The following USP7 variants were observed in gnomAD, a reference collection of about 807,000 sequenced individuals.
USP7 encodes the protein ubiquitin specific peptidase 7.
In USP7, 9 loss-of-function variants were observed where a neutral mutation model predicts 162.9. The ratio of observed to expected loss-of-function variants is 0.06; its 90% CI spans 0.03 to 0.10. The LOEUF is 0.10. USP7 is among the 10% of genes least tolerant of loss of function. The pLI is 1.00. For missense variants in USP7, 715 were observed against 1,373.7 expected (o/e 0.52, Z 7.58); for synonymous variants, 562 against 475.9 (o/e 1.18, Z -2.35).
chr16:8,924,505 A>T (rs1487245075), intron 2 of USP7, among the ~76,000 whole-genome samples: 3 of 152,238 alleles, frequency 2.0e-5, no homozygotes, highest in Admixed American at 2.0e-4. Context: ...ATCAGGTGCT[A>T]TTTTGACATC....
chr16:8,897,347 G>C, intron 25 of USP7: 1 of 459,922 alleles, frequency 2.2e-6, no homozygotes, highest in African/African-American at 2.0e-5. Flanking sequence ...CAAGAAGCCT[G>C]TCATTTACAG....
rs549640253 is a variant in USP7, at chr16:8,923,555, T to C, written c.185-142A>G. ...GTTTGAAAAAATTGCTTCCAATTTATTAAAACCCGAAGACTGAGATAACAT... is the reference window on the plus strand; with the variant it reads ...GTTTGAAAAAATTGCTTCCAATTTACTAAAACCCGAAGACTGAGATAACAT... On this transcript the variant is annotated intron_variant, in intron 2 of 30. Coordinates refer to ENST00000344836, the MANE Select transcript of USP7 (RefSeq NM_003470.3). 2.0e-4 allele frequency: 168 copies of C among 856,950 alleles called. No individual in the cohort carries two copies. The African/African-American group carries it at 2.5e-3, about 13-fold the overall frequency. 53.1% of individuals were successfully genotyped at this position (856,950 alleles called of 1,614,324 possible). A position where few individuals can be genotyped will look rare whatever the true frequency, so the allele number is the denominator to read the frequency against.
At chr16:8,906,709 A>T (rs1241179463) in intron 12 of USP7, 127 bp from the exon 13 acceptor site, 1 of 895,480 alleles carries the variant, frequency 1.1e-6, no homozygotes, top group Admixed American at 2.8e-5. Context: ...TGCCTTGGGA[A>T]GGCCTATGAA....
chr16:8,893,927 T>A lies in USP7; in HGVS notation c.*71A>T. 1 of 1,365,868 alleles carries A rather than the reference T, an allele frequency of 7.3e-7. No individual in the cohort carries two copies. The highest frequency in any genetic ancestry group is 1.0e-6 in the Non-Finnish European group (1 of 954,846). The allele number at this position is 1,365,868 out of a possible 1,614,324, so 84.6% of individuals were successfully genotyped here. A position where few individuals can be genotyped will look rare whatever the true frequency, so the allele number is the denominator to read the frequency against. On this transcript the variant is annotated 3_prime_UTR_variant, in exon 31 of 31. Coordinates refer to ENST00000344836, the MANE Select transcript of USP7 (RefSeq NM_003470.3). ...CTGAAGACTTCGGCTAGAGGGCACG[T>A]GCACCAAAGTTCTAGGCTGTTAAGG...
At chr16:8,930,660 A>C (rs1351454097) in intron 1 of USP7, among the ~76,000 whole-genome samples, 3 of 152,128 alleles carry the variant, frequency 2.0e-5, no homozygotes, top group African/African-American at 7.2e-5. Flanking sequence ...TTCTGCACAA[A>C]ACTTTTTATA....
At chr16:8,918,398 T>C (rs1216639907) in intron 6 of USP7, among the ~76,000 whole-genome samples, 2 of 152,244 alleles carry the variant, frequency 1.3e-5, no homozygotes, top group African/African-American at 4.8e-5. Context: ...TAAAAGTAAG[T>C]TGCATTGACT....
chr16:8,905,719 A>G (rs1199897996), intron 13 of USP7, among the ~76,000 whole-genome samples: 3 of 152,204 alleles, frequency 2.0e-5, no homozygotes, highest in African/African-American at 7.2e-5. Context: ...TTTATCCTTT[A>G]GTTATCAAAC....
intron 23 of USP7, 98 bp downstream of exon 23, chr16:8,899,023 A>C: frequency 7.7e-7 from 1 of 1,298,410 alleles, no homozygotes; most frequent in Non-Finnish European, 1.1e-6. Flanking sequence ...TGTCAGGTGA[A>C]ATGGCGAGCT....
intron 1 of USP7, chr16:8,962,464 A>T (rs962951667): frequency 4.9e-5 from 22 of 449,424 alleles, no homozygotes; most frequent in African/African-American, 4.4e-4. Context: ...CATCGGCAGA[A>T]AACCGAGTTA....
chr16:8,939,701 C>T (rs894549887), intron 1 of USP7, among the ~76,000 whole-genome samples: 10 of 152,304 alleles, frequency 6.6e-5, no homozygotes, highest in Non-Finnish European at 1.0e-4. Context: ...GTACATTGCT[C>T]GTGCACTTTT....
intron 14 of USP7, among the ~76,000 whole-genome samples, chr16:8,904,878 A>C (rs1407877653): frequency 6.6e-6 from 1 of 152,172 alleles, no homozygotes; most frequent in Non-Finnish European, 1.5e-5. Context: ...AGGCTGAGGC[A>C]GGAGAGTGGC....
intron 13 of USP7, among the ~76,000 whole-genome samples, chr16:8,905,966 G>A (rs977273788): frequency 2.6e-5 from 4 of 152,142 alleles, no homozygotes; most frequent in African/African-American, 9.7e-5. Flanking sequence ...GGTCTTGGGG[G>A]TAGATTCCAA....
chr16:8,904,793 TAAAATA>T (rs1567212824), intron 14 of USP7, among the ~76,000 whole-genome samples: 1 of 139,046 alleles, frequency 7.2e-6, no homozygotes, highest in African/African-American at 2.6e-5. Flanking sequence ...AAAAAAAAAA[TAAAATA>T]AAAATAAAAT....
intron 1 of USP7, among the ~76,000 whole-genome samples, chr16:8,956,778 A>G (rs1567250107): frequency 6.7e-6 from 1 of 149,870 alleles, no homozygotes; most frequent in African/African-American, 2.5e-5. Context: ...AACAAAAACA[A>G]AAAAAAAAAA....
At chr16:8,895,525 G>C (rs1165186377) in intron 27 of USP7, 117 bp downstream of exon 27, 1 of 915,198 alleles carries the variant, frequency 1.1e-6, no homozygotes, top group South Asian at 1.5e-5. Context: ...CATATACCTC[G>C]ATTACTGGTA....
At position 8,897,108 on chromosome 16, in the gene USP7, T is replaced by G. The variant is rs2061693598; in HGVS notation, c.2719-9A>C. 1 of 1,600,260 alleles carries G rather than the reference T, an allele frequency of 6.2e-7. No homozygotes were observed. The highest frequency in any genetic ancestry group is 8.6e-7 in the Non-Finnish European group (1 of 1,168,550). On this transcript the variant is annotated splice_polypyrimidine_tract_variant and intron_variant, in intron 25 of 30. Transcript: ENST00000344836. Reference sequence around the variant, plus strand: ...GGATATAGTGTTATTTCCTAAGTAATGAAAAGATAAAATAAGTGCTTTCAA... The same window carrying G: ...GGATATAGTGTTATTTCCTAAGTAAGGAAAAGATAAAATAAGTGCTTTCAA...
chr16:8,962,775 G>A, intron 1 of USP7: 1 of 163,010 alleles, frequency 6.1e-6, no homozygotes, highest in Admixed American at 6.2e-5. Flanking sequence ...CCGGGGGAGC[G>A]CACCGGAGCA....
intron 5 of USP7, among the ~76,000 whole-genome samples, chr16:8,919,387 A>C (rs1897552862): frequency 6.6e-6 from 1 of 152,050 alleles, no homozygotes; most frequent in Non-Finnish European, 1.5e-5. Flanking sequence ...CCTGTCACTG[A>C]TCAAGCCCAG....
chr16:8,894,905 G>T (rs754514003), intron 28 of USP7, 50 bp from the exon 29 acceptor site: 1 of 1,613,836 alleles, frequency 6.2e-7, no homozygotes, highest in South Asian at 1.1e-5. Flanking sequence ...AGCACCCCCA[G>T]GCCACGTCAC....
Sources: gnomAD v4.1 joint callset for allele counts (sites outside exome capture counted in the v4.1 genomes callset) on GRCh38, gnomAD v4.1.1 for gene constraint, MANE v1.5 for transcripts, NCBI Gene and HGNC (gene_info 2026-07-23, HGNC 2026-07-21) for gene names.